Variants in ADAMTS3 observed in about 807,000 individuals in gnomAD.
ADAMTS3 encodes the protein A disintegrin and metalloproteinase with thrombospondin motifs 3.
Under a neutral mutation model 129.0 loss-of-function variants are expected in ADAMTS3, and 73 were observed. The ratio of observed to expected loss-of-function variants is 0.57; its 90% CI spans 0.47 to 0.69. ADAMTS3 has a LOEUF of 0.69. ADAMTS3 is among the 30% of genes least tolerant of loss of function. The pLI is 0.00. For missense variants in ADAMTS3, 1,457 were observed against 1,514.5 expected (o/e 0.96, Z 0.63); for synonymous variants, 477 against 510.8 (o/e 0.93, Z 0.89).
At chr4:72,485,717 T>G (rs980515007) in intron 3 of ADAMTS3, among the ~76,000 whole-genome samples, 1 of 152,192 alleles carries the variant, frequency 6.6e-6, no homozygotes, top group Non-Finnish European at 1.5e-5. Context: ...TAACAACTGC[T>G]ATGGTCTGAA....
intron 3 of ADAMTS3, among the ~76,000 whole-genome samples, chr4:72,450,899 AGAG>A (rs1221210807): frequency 3.3e-5 from 5 of 149,316 alleles, no homozygotes; most frequent in Admixed American, 6.8e-5. Flanking sequence ...AGCAATAGAA[AGAG>A]GAGGAGGAGG....
chr4:72,313,414 C>T (rs1043985897), intron 12 of ADAMTS3, among the ~76,000 whole-genome samples: 1 of 152,168 alleles, frequency 6.6e-6, no homozygotes, highest in African/African-American at 2.4e-5. Context: ...ACCTACTTTC[C>T]TTGTTCAGCT....
intron 21 of ADAMTS3, among the ~76,000 whole-genome samples, chr4:72,287,604 G>C (rs1205114936): frequency 6.6e-6 from 1 of 151,780 alleles, no homozygotes; most frequent in Non-Finnish European, 1.5e-5. Context: ...GAGGGAGAGG[G>C]AAGGACAGCA....
intron 3 of ADAMTS3, among the ~76,000 whole-genome samples, chr4:72,466,171 G>T: frequency 6.6e-6 from 1 of 152,056 alleles, no homozygotes; most frequent in East Asian, 1.9e-4. Context: ...ATGAACATCT[G>T]GGGAGAAAGC....
intron 4 of ADAMTS3, among the ~76,000 whole-genome samples, chr4:72,413,093 C>A (rs1269516032): frequency 2.0e-5 from 3 of 151,786 alleles, no homozygotes; most frequent in Non-Finnish European, 2.9e-5. Flanking sequence ...GAAAAAAACT[C>A]TTCTTCTTAT....
At chr4:72,514,989 C>A (rs1396054934) in intron 3 of ADAMTS3, among the ~76,000 whole-genome samples, 2 of 152,016 alleles carry the variant, frequency 1.3e-5, no homozygotes, top group Non-Finnish European at 2.9e-5. Context: ...TCCCCGCTAC[C>A]CCCACCCCAC....
At chr4:72,468,453 T>A (rs1718977393) in intron 3 of ADAMTS3, among the ~76,000 whole-genome samples, 1 of 152,186 alleles carries the variant, frequency 6.6e-6, no homozygotes, top group East Asian at 1.9e-4. Flanking sequence ...TTGTTCTTCT[T>A]AAAAAATGTA....
chr4:72,377,930 C>T (rs1721174592), intron 4 of ADAMTS3, among the ~76,000 whole-genome samples: 1 of 152,170 alleles, frequency 6.6e-6, no homozygotes, highest in South Asian at 2.1e-4. Flanking sequence ...GATTTCTTCA[C>T]ATGCTTTTCC....
chr4:72,438,898 C>T (rs1351001160), intron 3 of ADAMTS3, among the ~76,000 whole-genome samples: 1 of 151,738 alleles, frequency 6.6e-6, no homozygotes, highest in Non-Finnish European at 1.5e-5. Context: ...AAGACCATAA[C>T]ATCCACTAAC....
intron 4 of ADAMTS3, among the ~76,000 whole-genome samples, chr4:72,399,579 C>CA (rs779175149): frequency 1.3e-5 from 2 of 151,740 alleles, no homozygotes; most frequent in Non-Finnish European, 2.9e-5. Flanking sequence ...CAATGTTGAA[C>CA]AAAAAGGAAA....
intron 4 of ADAMTS3, among the ~76,000 whole-genome samples, chr4:72,413,124 G>A (rs1208133917): frequency 2.6e-5 from 4 of 151,802 alleles, no homozygotes; most frequent in Non-Finnish European, 5.9e-5. Flanking sequence ...CTAATGAAAA[G>A]TACTAGGGCT....
chr4:72,529,182 G>C (rs531794846), intron 3 of ADAMTS3, among the ~76,000 whole-genome samples: 2 of 152,256 alleles, frequency 1.3e-5, no homozygotes, highest in African/African-American at 2.4e-5. Context: ...ATTTTAAATT[G>C]TTTGAAAGAC....
intron 5 of ADAMTS3, chr4:72,330,580 C>T (rs1453092288): frequency 2.0e-5 from 3 of 152,226 alleles, no homozygotes; most frequent in Non-Finnish European, 4.4e-5. Flanking sequence ...CTGTCCACCT[C>T]CACACCAAGC....
At chr4:72,325,279 T>C (rs1005348213) in intron 5 of ADAMTS3, among the ~76,000 whole-genome samples, 1 of 152,152 alleles carries the variant, frequency 6.6e-6, no homozygotes, top group African/African-American at 2.4e-5. Context: ...TTGTTTCTTA[T>C]GGGCTTTTTA....
intron 2 of ADAMTS3, among the ~76,000 whole-genome samples, chr4:72,550,030 AG>A (rs1721590040): frequency 1.0e-4 from 1 of 9,912 alleles, no homozygotes; most frequent in Non-Finnish European, 2.2e-4. Flanking sequence ...AAGAAGAAGA[AG>A]AAGAAGAAGA....
intron 2 of ADAMTS3, among the ~76,000 whole-genome samples, chr4:72,553,617 C>T (rs1578791398): frequency 6.6e-6 from 1 of 152,166 alleles, no homozygotes; most frequent in African/African-American, 2.4e-5. Context: ...CCTTCACTCA[C>T]CCTTCCCTGG....
intron 5 of ADAMTS3, among the ~76,000 whole-genome samples, chr4:72,334,740 TA>T (rs1202992470): frequency 6.6e-6 from 1 of 152,104 alleles, no homozygotes; most frequent in Non-Finnish European, 1.5e-5. Flanking sequence ...TACAAGTTAG[TA>T]AAACTATAAA....
chr4:72,549,800 C>T (rs914462099), intron 2 of ADAMTS3, among the ~76,000 whole-genome samples: 2 of 150,984 alleles, frequency 1.3e-5, no homozygotes, highest in African/African-American at 4.9e-5. Flanking sequence ...GCACTTAAAC[C>T]CCTGGCTTAG....
At position 72,519,350 on chromosome 4, in the gene ADAMTS3, T is replaced by C. The variant is rs528465895; in HGVS notation, c.504+29128A>G. Among the ~76,000 whole-genome samples, 948 of 152,230 alleles carry C rather than the reference T, an allele frequency of 6.2e-3. 11 individuals carry two copies. Among genetic ancestry groups the C allele is most frequent in the African/African-American group, 0.022 (901 of 41,524 alleles). On this transcript the variant is annotated intron_variant, in intron 3 of 21. Transcript: ENST00000286657. Reference sequence around the variant, plus strand: ...CTCTTCTCGAGGAGTATCTTTGTGGTGTTCTCTGTATTTCCTGAATCTGAA... The same window carrying C: ...CTCTTCTCGAGGAGTATCTTTGTGGCGTTCTCTGTATTTCCTGAATCTGAA...
Sources: gnomAD v4.1 joint callset for allele counts (sites outside exome capture counted in the v4.1 genomes callset) on GRCh38, gnomAD v4.1.1 for gene constraint, MANE v1.5 for transcripts, NCBI Gene and HGNC (gene_info 2026-07-23, HGNC 2026-07-21) for gene names.